BMPR1B: variants seen among roughly 807,000 people sequenced by gnomAD.
BMPR1B encodes the protein bone morphogenetic protein receptor type-1B.
In BMPR1B, 12 loss-of-function variants were observed where a neutral mutation model predicts 59.1. The ratio of observed to expected loss-of-function variants is 0.20; its 90% CI spans 0.13 to 0.33. BMPR1B has a LOEUF of 0.33. BMPR1B is among the 10% of genes least tolerant of loss of function. The pLI, the probability that BMPR1B is intolerant of heterozygous loss-of-function variation, is 1.00. For missense variants in BMPR1B, 550 were observed against 610.9 expected, an observed-to-expected ratio of 0.90 and a Z score of 1.05; for synonymous variants, 237 against 207.3, an observed-to-expected ratio of 1.14 and a Z score of -1.23.
Position 94,805,049 on chromosome 4 carries a change from ATCT to A in BMPR1B, c.-183+46982_-183+46984del, listed in dbSNP as rs1163143970. Among the ~76,000 whole-genome samples the A allele has an allele frequency of 3.1e-4, 47 of 152,340 alleles. No individual in the cohort carries two copies. The South Asian group carries it at 9.5e-3, about 31-fold the overall frequency. ...GAACTTACTTTAGAGTTCTTCTATG[ATCT>A]ATAAAATGAAGAAATAGCCATCTTG... On this transcript the variant is annotated intron_variant, in intron 1 of 12. Coordinates refer to ENST00000515059, the MANE Select transcript of BMPR1B (RefSeq NM_001203.3).
intron 1 of BMPR1B, among the ~76,000 whole-genome samples, chr4:94,780,267 A>T (rs1722539616): frequency 6.6e-6 from 1 of 152,146 alleles, no homozygotes; most frequent in African/African-American, 2.4e-5. Context: ...AAATGGAATG[A>T]TACAATATGA....
At chr4:95,060,802 T>C (rs1727304926) in intron 3 of BMPR1B, among the ~76,000 whole-genome samples, 1 of 152,124 alleles carries the variant, frequency 6.6e-6, no homozygotes, top group Non-Finnish European at 1.5e-5. Context: ...CTAGGCAGTT[T>C]TGGGGACTGT....
At chr4:95,117,593 G>A (rs1157638968) in intron 6 of BMPR1B, among the ~76,000 whole-genome samples, 5 of 151,798 alleles carry the variant, frequency 3.3e-5, no homozygotes, top group African/African-American at 1.2e-4. Context: ...GACCAGCCTG[G>A]GCAACATAGC....
intron 3 of BMPR1B, among the ~76,000 whole-genome samples, chr4:95,054,096 A>G (rs1726741000): frequency 6.6e-6 from 1 of 152,204 alleles, no homozygotes; most frequent in Non-Finnish European, 1.5e-5. Flanking sequence ...ATGTCTTTCA[A>G]AATGACGACT....
At chr4:94,862,210 G>T (rs182311062) in intron 1 of BMPR1B, among the ~76,000 whole-genome samples, 2 of 151,866 alleles carry the variant, frequency 1.3e-5, no homozygotes, top group East Asian at 3.9e-4. Flanking sequence ...GAGTACAGTG[G>T]CACGGTCTTG....
chr4:94,866,328 A>G (rs1560522814), intron 1 of BMPR1B, among the ~76,000 whole-genome samples: 1 of 152,166 alleles, frequency 6.6e-6, no homozygotes, highest in Non-Finnish European at 1.5e-5. Context: ...GTATTTCCAT[A>G]TATTGATACT....
At chr4:94,982,549 T>C (rs1383356539) in intron 2 of BMPR1B, among the ~76,000 whole-genome samples, 1 of 152,230 alleles carries the variant, frequency 6.6e-6, no homozygotes, top group African/African-American at 2.4e-5. Flanking sequence ...TTTCATTGGT[T>C]TGGGATATGT....
chr4:94,873,387 C>T (rs947252465), intron 1 of BMPR1B, among the ~76,000 whole-genome samples: 7 of 151,592 alleles, frequency 4.6e-5, no homozygotes, highest in Admixed American at 4.6e-4. Flanking sequence ...ACAAATCTTA[C>T]CCATACTTCA....
chr4:95,071,648 G>GCATA lies in BMPR1B; in HGVS notation c.-17-32760_-17-32759insCATA, dbSNP rs1430593586. ...TATGTGTGTTTGTGTGTGTGTGTGT[G>GCATA]TGTGTATATATATATATATATATAT... On this transcript the variant is annotated intron_variant, in intron 3 of 12. Transcript: ENST00000515059. Among the ~76,000 whole-genome samples the GCATA allele has an allele frequency of 4.4e-4, 46 of 104,772 alleles. 1 individual carries two copies. Among genetic ancestry groups the GCATA allele is most frequent in the African/African-American group, 1.6e-3 (41 of 25,136 alleles). 68.7% of individuals were successfully genotyped at this position (104,772 alleles called of 152,430 possible). A position where few individuals can be genotyped will look rare whatever the true frequency, so the allele number is the denominator to read the frequency against.
intron 3 of BMPR1B, among the ~76,000 whole-genome samples, chr4:95,045,973 T>G (rs1441678037): frequency 6.6e-6 from 1 of 152,240 alleles, no homozygotes; most frequent in Non-Finnish European, 1.5e-5. Context: ...GTAGTCTCAA[T>G]TTAAAATTCT....
intron 10 of BMPR1B, among the ~76,000 whole-genome samples, chr4:95,132,631 T>C (rs1733444926): frequency 6.6e-6 from 1 of 151,906 alleles, no homozygotes; most frequent in South Asian, 2.1e-4. Context: ...TTTTTTCCTC[T>C]GACCTACAAC....
intron 3 of BMPR1B, among the ~76,000 whole-genome samples, chr4:95,006,831 G>A (rs149138223): frequency 1.3e-5 from 2 of 152,026 alleles, no homozygotes; most frequent in South Asian, 2.1e-4. Context: ...GAGCCACCAC[G>A]CCCAGCCCTA....
intron 3 of BMPR1B, among the ~76,000 whole-genome samples, chr4:95,035,820 G>A (rs771589822): frequency 1.3e-5 from 2 of 152,118 alleles, no homozygotes; most frequent in African/African-American, 4.8e-5. Context: ...TGTGAAGAAC[G>A]ATGATGATAT....
intron 2 of BMPR1B, among the ~76,000 whole-genome samples, chr4:94,954,261 C>T (rs1186052973): frequency 2.6e-5 from 4 of 152,264 alleles, no homozygotes; most frequent in South Asian, 2.1e-4. Context: ...ATTACTATAC[C>T]TTAGCTTTCC....
In BMPR1B at chr4:95,154,665, A is replaced by C. The variant is rs1229797838; in HGVS notation, c.1501A>C (p.Lys501Gln). Residue 501 changes from lysine to glutamine, a missense_variant, in exon 13 of 13, where the codon AAA becomes CAA. This residue lies in a region of BMPR1B where 123 missense variants were observed against 164.6 expected (regional missense o/e 0.75). Coordinates refer to ENST00000515059, the MANE Select transcript of BMPR1B (RefSeq NM_001203.3). ...CAAAATGTCAGAGTCCCAGGACATTAAACTCTGATAGGAGAGGAAAAGTAA... is the reference window on the plus strand; with the variant it reads ...CAAAATGTCAGAGTCCCAGGACATTCAACTCTGATAGGAGAGGAAAAGTAA... ...LAKMSESQDI[K>Q]L The C allele has an allele frequency of 3.1e-6, 5 of 1,613,956 alleles. No homozygotes were observed. Among genetic ancestry groups the C allele is most frequent in the Admixed American group, 1.7e-5 (1 of 59,994 alleles).
chr4:94,970,821 A>G (rs1039201575), intron 2 of BMPR1B, among the ~76,000 whole-genome samples: 3 of 152,148 alleles, frequency 2.0e-5, no homozygotes, highest in Admixed American at 6.5e-5. Context: ...CTATTATGAA[A>G]TATGCGATGA....
intron 3 of BMPR1B, among the ~76,000 whole-genome samples, chr4:95,008,281 A>G (rs1444380619): frequency 6.6e-6 from 1 of 152,130 alleles, no homozygotes; most frequent in Non-Finnish European, 1.5e-5. Flanking sequence ...GAGTGGAGTG[A>G]ATTTGTCACC....
intron 2 of BMPR1B, among the ~76,000 whole-genome samples, 164 bp downstream of exon 2, chr4:94,876,064 T>C (rs1054569342): frequency 1.3e-5 from 2 of 152,168 alleles, no homozygotes; most frequent in African/African-American, 2.4e-5. Context: ...TAAAAACACA[T>C]AAGATAAGGA....
chr4:94,940,054 TG>T (rs1729451124), intron 2 of BMPR1B, among the ~76,000 whole-genome samples: 1 of 152,230 alleles, frequency 6.6e-6, no homozygotes, highest in South Asian at 2.1e-4. Flanking sequence ...GCAACACTAA[TG>T]CATTTGGGAG....
Sources: gnomAD v4.1 joint callset for allele counts (sites outside exome capture counted in the v4.1 genomes callset) on GRCh38, gnomAD v4.1.1 for gene constraint, gnomAD v4.1.1 regional missense constraint, MANE v1.5 for transcripts, NCBI Gene and HGNC (gene_info 2026-07-23, HGNC 2026-07-21) for gene names.